CCM2: variants seen among roughly 807,000 people sequenced by gnomAD.
CCM2 encodes cerebral cavernous malformations 2 protein.
A neutral mutation model predicts 44.9 loss-of-function variants in CCM2; 25 were observed. The observed-to-expected ratio is 0.56, with a 90% CI of 0.41 to 0.78. The LOEUF is 0.78. Among genes scored for constraint, CCM2 ranks in the 30% least tolerant of loss-of-function variants. The pLI, the probability that CCM2 is intolerant of heterozygous loss-of-function variation, is 0.00. For missense variants in CCM2, 481 were observed against 580.6 expected, an observed-to-expected ratio of 0.83 and a Z score of 1.76; for synonymous variants, 219 against 241.1, an observed-to-expected ratio of 0.91 and a Z score of 0.85.
intron 4 of CCM2, among the ~76,000 whole-genome samples, chr7:45,067,032 C>A (rs1798813127): frequency 6.6e-6 from 1 of 151,972 alleles, no homozygotes; most frequent in Non-Finnish European, 1.5e-5. Flanking sequence ...TCCTGAGTAG[C>A]TGGGACTACA....
chr7:45,055,780 A>G (rs1329311757), intron 2 of CCM2, among the ~76,000 whole-genome samples: 2 of 152,230 alleles, frequency 1.3e-5, no homozygotes, highest in Non-Finnish European at 2.9e-5. Context: ...AGCACTATCC[A>G]TCTCCAGAGC....
At chr7:45,002,257 C>G (rs1195099603) in intron 1 of CCM2, among the ~76,000 whole-genome samples, 1 of 152,194 alleles carries the variant, frequency 6.6e-6, no homozygotes, top group East Asian at 1.9e-4. Context: ...CGCTTAAATT[C>G]TTCTAAGTTA....
chr7:45,033,569 A>C (rs1321491223), intron 1 of CCM2, among the ~76,000 whole-genome samples: 1 of 152,160 alleles, frequency 6.6e-6, no homozygotes, highest in African/African-American at 2.4e-5. Flanking sequence ...ACAGCTAGTT[A>C]TCATTTAGGA....
At chr7:45,059,016 A>AT (rs1469895597) in intron 2 of CCM2, among the ~76,000 whole-genome samples, 1 of 150,362 alleles carries the variant, frequency 6.7e-6, no homozygotes, top group Non-Finnish European at 1.5e-5. Context: ...AAGTGCTGGG[A>AT]TTACAGGTGT....
chr7:45,017,854 C>G (rs1796326932), intron 1 of CCM2, among the ~76,000 whole-genome samples: 2 of 152,262 alleles, frequency 1.3e-5, no homozygotes, highest in South Asian at 4.1e-4. Context: ...ATTTTTAGTT[C>G]TTAGCCTGAA....
intron 1 of CCM2, among the ~76,000 whole-genome samples, chr7:45,001,612 C>T (rs1795633627): frequency 6.6e-6 from 1 of 152,160 alleles, no homozygotes; most frequent in Non-Finnish European, 1.5e-5. Flanking sequence ...TCCAAGAGCG[C>T]GCTAAGGACT....
chr7:45,053,985 CTCTGGACCCCT>C (rs756432761), intron 2 of CCM2, among the ~76,000 whole-genome samples: 3 of 152,114 alleles, frequency 2.0e-5, no homozygotes, highest in Non-Finnish European at 2.9e-5. Context: ...TGAGAATGGC[CTCTGGACCCCT>C]TCTCAGGGTG....
intron 1 of CCM2, among the ~76,000 whole-genome samples, chr7:45,008,356 CTTTTTT>C (rs59435094): frequency 5.2e-5 from 6 of 114,790 alleles, no homozygotes; most frequent in South Asian, 2.8e-4. Flanking sequence ...GGTACATGTT[CTTTTTT>C]TTTTTTTTTT....
chr7:45,020,647 G>T (rs888310252), intron 1 of CCM2, among the ~76,000 whole-genome samples: 11 of 152,160 alleles, frequency 7.2e-5, no homozygotes, highest in African/African-American at 2.7e-4. Context: ...AAATTGTTTT[G>T]TATGGTAGAA....
Position 45,064,591 on chromosome 7 carries a change from C to T in CCM2, c.417C>T (p.Ile139=), listed in dbSNP as rs760691621. 12 of 1,613,904 alleles carry T rather than the reference C, an allele frequency of 7.4e-6. No individual in the cohort carries two copies. The highest frequency in any genetic ancestry group is 4.4e-5 in the South Asian group (4 of 91,080). ...DIILRVPIHD[I]AAVSYVRDDA... ...TCCTCAGGGTGCCCATCCATGACATCGCCGCCGTCTCCTATGTTCGGGATG... is the reference window on the plus strand; with the variant it reads ...TCCTCAGGGTGCCCATCCATGACATTGCCGCCGTCTCCTATGTTCGGGATG... The change falls in exon 4 of 10, where the codon ATC becomes ATT. Residue 139 remains isoleucine (I), a synonymous_variant. Coordinates refer to ENST00000258781, the MANE Select transcript of CCM2 (RefSeq NM_031443.4).
chr7:45,027,792 A>T, intron 1 of CCM2: 1 of 1,614,096 alleles, frequency 6.2e-7, no homozygotes, highest in Non-Finnish European at 8.5e-7. Context: ...TTCCATGGAG[A>T]ATGAGGTAGG....
In CCM2 at chr7:45,074,339, G is replaced by C. The variant is rs1263409194; in HGVS notation, c.985G>C (p.Ala329Pro). 6.2e-7 allele frequency: 1 copy of C among 1,613,810 alleles called. No individual in the cohort carries two copies. The highest frequency in any genetic ancestry group is 1.3e-5 in the African/African-American group (1 of 75,072). The change falls in exon 9 of 10, where the codon GCC becomes CCC. Residue 329 changes from alanine to proline, a missense_variant. Coordinates refer to ENST00000258781, the MANE Select transcript of CCM2 (RefSeq NM_031443.4). ...ACTGCTGCACGAGTACCGCAATGGG[G>C]CCTCTATCCACGAGTTCTGCATCAA... ...AALLHEYRNG[A>P]SIHEFCINLR... is the part of the protein sequence containing the mutation.
intron 1 of CCM2, chr7:45,027,860 G>T: frequency 1.3e-6 from 2 of 1,567,616 alleles, no homozygotes; most frequent in Non-Finnish European, 1.8e-6. Context: ...TCCCTTGTGG[G>T]TGGCTTTCAT....
At position 45,064,543 on chromosome 7, in the gene CCM2, C is replaced by T. The variant is rs1798678078; in HGVS notation, c.369C>T (p.Ala123=). The part of the protein sequence containing the change: ...LSLSAYNVKL[A]WRDGEDIILR... ...TGTCTGCGTACAACGTCAAGCTGGC[C>T]TGGAGGGACGGGGAGGATATCATCC... The change falls in exon 4 of 10, where the codon GCC becomes GCT. Residue 123 remains alanine (A), a synonymous_variant. Coordinates refer to ENST00000258781, the MANE Select transcript of CCM2 (RefSeq NM_031443.4). 1.9e-6 allele frequency: 3 copies of T among 1,614,002 alleles called. No homozygotes were observed. Among genetic ancestry groups the T allele is most frequent in the Non-Finnish European group, 2.5e-6 (3 of 1,180,008 alleles).
chr7:45,048,235 T>G (rs891025767), intron 2 of CCM2, among the ~76,000 whole-genome samples: 4 of 152,238 alleles, frequency 2.6e-5, no homozygotes, highest in African/African-American at 7.2e-5. Flanking sequence ...TTTTACAATT[T>G]TTTGAACTTT....
chr7:45,018,593 T>G (rs1427607367), intron 1 of CCM2, among the ~76,000 whole-genome samples: 1 of 152,046 alleles, frequency 6.6e-6, no homozygotes, highest in Non-Finnish European at 1.5e-5. Context: ...ACTCCTGACC[T>G]CCAGTGATCT....
At position 45,070,285 on chromosome 7, in the gene CCM2, C is replaced by T. The variant is rs181317044; in HGVS notation, c.745+324C>T. ...CAAAGAGCTTGGAGAAGGCTCCTAG[C>T]ACTGGGGCCTGTGATGGAATTGGGG... On this transcript the variant is annotated intron_variant, in intron 6 of 9. Coordinates refer to ENST00000258781, the MANE Select transcript of CCM2 (RefSeq NM_031443.4). 522 of 388,854 alleles carry T rather than the reference C, an allele frequency of 1.3e-3. 6 individuals are homozygous for T. The highest frequency in any genetic ancestry group is 0.01 in the African/African-American group (502 of 48,300). The allele number at this position is 388,854 out of a possible 1,614,324, so 24.1% of individuals were successfully genotyped here. A position where few individuals can be genotyped will look rare whatever the true frequency, so the allele number is the denominator to read the frequency against.
rs35483777 is a variant in CCM2, at chr7:45,054,486, TA to T, written c.205-9421del. Among the ~76,000 whole-genome samples, 294 of 147,264 alleles carry T rather than the reference TA, an allele frequency of 2.0e-3. 1 individual carries two copies. Among genetic ancestry groups the T allele is most frequent in the African/African-American group, 5.7e-3 (230 of 40,210 alleles). ...GGGGAGACTGATTTAGGATCAATAT[TA>T]AAAAAAAAAACACTTATATCTTGTC... On this transcript the variant is annotated intron_variant, in intron 2 of 9. Coordinates refer to ENST00000258781, the MANE Select transcript of CCM2 (RefSeq NM_031443.4).
intron 4 of CCM2, among the ~76,000 whole-genome samples, chr7:45,067,455 G>A (rs535781489): frequency 1.3e-5 from 2 of 152,288 alleles, no homozygotes; most frequent in African/African-American, 4.8e-5. Context: ...GAGCCACTGC[G>A]CCTGGCCAAT....
Sources: gnomAD v4.1 joint callset for allele counts (sites outside exome capture counted in the v4.1 genomes callset) on GRCh38, gnomAD v4.1.1 for gene constraint, MANE v1.5 for transcripts, NCBI Gene and HGNC (gene_info 2026-07-23, HGNC 2026-07-21) for gene names.